RGS7: variants seen among roughly 807,000 people sequenced by gnomAD.
RGS7 encodes regulator of G protein signaling 7, also known as regulator of G-protein signaling 7.
RGS7 carries 27 observed loss-of-function variants against 81.1 expected under a neutral mutation model. That is an observed-to-expected ratio of 0.33 (90% confidence interval 0.25 to 0.46). The LOEUF is 0.46. Ranked by LOEUF, RGS7 falls within the 20% of genes least tolerant of loss-of-function variation. RGS7 has a pLI of 1.00. For synonymous variants in RGS7, 208 were observed against 207.7 expected (o/e 1.00, Z -0.01); for missense variants, 396 against 607.4 (o/e 0.65, Z 3.66).
intron 3 of RGS7, among the ~76,000 whole-genome samples, chr1:241,012,777 C>A (rs375570953): frequency 6.6e-6 from 1 of 152,170 alleles, no homozygotes; most frequent in Non-Finnish European, 1.5e-5. Flanking sequence ...CCTTAACCAG[C>A]TCTAGGAAAG....
chr1:241,292,492 T>C (rs563068051), intron 2 of RGS7, among the ~76,000 whole-genome samples: 3 of 152,318 alleles, frequency 2.0e-5, no homozygotes, highest in South Asian at 2.1e-4. Context: ...AGAAGATCCC[T>C]GGTAGCAGTG....
chr1:241,149,552 C>G (rs568641293), intron 2 of RGS7, among the ~76,000 whole-genome samples: 1 of 152,254 alleles, frequency 6.6e-6, no homozygotes, highest in African/African-American at 2.4e-5. Flanking sequence ...GTCCTGCTCT[C>G]CAGAGTAAGT....
In RGS7 at chr1:241,331,280, C is replaced by T. The variant is rs145506039; in HGVS notation, c.78+24419G>A. Among the ~76,000 whole-genome samples the T allele has an allele frequency of 2.3e-3, 352 of 152,102 alleles. 1 individual carries two copies. Among genetic ancestry groups the T allele is most frequent in the African/African-American group, 8.3e-3 (345 of 41,492 alleles). On this transcript the variant is annotated intron_variant, in intron 2 of 18. Coordinates refer to ENST00000440928, the MANE Select transcript of RGS7 (RefSeq NM_001364886.1). ...ATTTTGAGGAAGAAGAAATGCTAGTCAAAATTTACTTAGAATCTATTAAAT... is the reference window on the plus strand; with the variant it reads ...ATTTTGAGGAAGAAGAAATGCTAGTTAAAATTTACTTAGAATCTATTAAAT...
chr1:240,880,648 T>C (rs1666213011), intron 6 of RGS7, among the ~76,000 whole-genome samples: 1 of 152,170 alleles, frequency 6.6e-6, no homozygotes, highest in African/African-American at 2.4e-5. Flanking sequence ...TGCTCCAAGA[T>C]GGGGAAAGCC....
chr1:240,985,646 G>C (rs887612878), intron 3 of RGS7, among the ~76,000 whole-genome samples: 1 of 151,998 alleles, frequency 6.6e-6, no homozygotes, highest in Non-Finnish European at 1.5e-5. Context: ...TTTTTTTATT[G>C]TGTGATCGCC....
rs1364859007 is a variant in RGS7 at position 241,271,382 on chromosome 1, T to A, written c.78+84317A>T. On this transcript the variant is annotated intron_variant, in intron 2 of 18. Coordinates refer to ENST00000440928, the MANE Select transcript of RGS7 (RefSeq NM_001364886.1). The surrounding 1 kb of genome is among the most constrained non-coding windows in gnomAD (Gnocchi z 4.6). Reference sequence around the variant, plus strand: ...CATTTTTTTACAAAAGGAAATCAAATGTGAAAATTTATCTGGATGCTCCAT... The same window carrying A: ...CATTTTTTTACAAAAGGAAATCAAAAGTGAAAATTTATCTGGATGCTCCAT... Among the ~76,000 whole-genome samples the A allele has an allele frequency of 6.6e-6, 1 of 152,176 alleles. No homozygotes were observed. Among genetic ancestry groups the A allele is most frequent in the African/African-American group, 2.4e-5 (1 of 41,454 alleles).
intron 2 of RGS7, among the ~76,000 whole-genome samples, chr1:241,196,385 T>TAA (rs147544944): frequency 6.6e-5 from 10 of 151,098 alleles, no homozygotes; most frequent in African/African-American, 2.4e-4. Context: ...AAAAAATGTG[T>TAA]AAAAAAAAAC....
intron 2 of RGS7, among the ~76,000 whole-genome samples, chr1:241,273,332 G>T (rs189599532): frequency 2.0e-5 from 3 of 152,166 alleles, no homozygotes; most frequent in African/African-American, 7.2e-5. Flanking sequence ...TAGCAAGATT[G>T]GGTATCTGCA....
intron 2 of RGS7, among the ~76,000 whole-genome samples, chr1:241,278,608 G>A (rs1054282367): frequency 2.6e-5 from 4 of 152,196 alleles, no homozygotes; most frequent in East Asian, 1.9e-4. Flanking sequence ...GGCAATGGCT[G>A]TGTCCTTTCT....
chr1:241,062,651 A>G (rs1015919404), intron 3 of RGS7, among the ~76,000 whole-genome samples: 3 of 152,202 alleles, frequency 2.0e-5, no homozygotes, highest in African/African-American at 7.2e-5. Flanking sequence ...CTATTTCTGA[A>G]AAGAAAAATA....
chr1:240,951,558 T>C (rs1679563386), intron 4 of RGS7, among the ~76,000 whole-genome samples: 1 of 152,080 alleles, frequency 6.6e-6, no homozygotes, highest in Admixed American at 6.5e-5. Flanking sequence ...ATCAGTGAGC[T>C]TGAAGATTAA....
chr1:241,208,504 G>C (rs1478304031), intron 2 of RGS7, among the ~76,000 whole-genome samples: 3 of 152,050 alleles, frequency 2.0e-5, no homozygotes, highest in African/African-American at 7.3e-5. Context: ...GTGTTGTCTA[G>C]GTGAAAATAA....
At chr1:241,240,816 A>G (rs1225187789) in intron 2 of RGS7, among the ~76,000 whole-genome samples, 1 of 152,142 alleles carries the variant, frequency 6.6e-6, no homozygotes, top group Non-Finnish European at 1.5e-5. Flanking sequence ...AGGATCGGGG[A>G]GCAAATATTA....
intron 2 of RGS7, among the ~76,000 whole-genome samples, chr1:241,331,978 G>A (rs1163137235): frequency 6.6e-6 from 1 of 152,154 alleles, no homozygotes; most frequent in South Asian, 2.1e-4. Flanking sequence ...GAGAACAATC[G>A]AGTTTCCAAA....
chr1:241,342,664 A>T (rs889360340), intron 2 of RGS7, among the ~76,000 whole-genome samples: 3 of 152,238 alleles, frequency 2.0e-5, no homozygotes, highest in Admixed American at 2.0e-4. Flanking sequence ...GTGGTTGTAT[A>T]GTCCATAGGC....
At chr1:240,932,177 G>GC (rs1286166245) in intron 5 of RGS7, among the ~76,000 whole-genome samples, 5 of 152,094 alleles carry the variant, frequency 3.3e-5, no homozygotes, top group Non-Finnish European at 5.9e-5. Flanking sequence ...TGTCTCAGAG[G>GC]CCCCCCCGAC....
chr1:241,180,985 C>T (rs912984416), intron 2 of RGS7, among the ~76,000 whole-genome samples: 8 of 152,228 alleles, frequency 5.3e-5, no homozygotes, highest in African/African-American at 1.7e-4. Context: ...ATTCCAACTA[C>T]ATAACATTCT....
At chr1:241,253,991 A>G (rs1433680619) in intron 2 of RGS7, among the ~76,000 whole-genome samples, 2 of 152,026 alleles carry the variant, frequency 1.3e-5, no homozygotes, top group African/African-American at 4.8e-5. Context: ...CTGTTAAGAA[A>G]TTAGTGGTAA....
At chr1:240,976,456 A>G (rs192877731) in intron 4 of RGS7, among the ~76,000 whole-genome samples, 2 of 152,298 alleles carry the variant, frequency 1.3e-5, no homozygotes, top group East Asian at 3.9e-4. Context: ...ACCAGTCTAG[A>G]TGTTGTTGTG....
Sources: gnomAD v4.1 joint callset for allele counts (sites outside exome capture counted in the v4.1 genomes callset) on GRCh38, gnomAD v4.1.1 for gene constraint, Gnocchi (gnomAD v3.1) non-coding constraint, MANE v1.5 for transcripts, NCBI Gene and HGNC (gene_info 2026-07-23, HGNC 2026-07-21) for gene names.